The following BPTF variants were observed in gnomAD, a reference collection of about 807,000 sequenced individuals.
The protein encoded by BPTF is bromodomain PHD finger transcription factor.
Under a neutral mutation model 292.5 loss-of-function variants are expected in BPTF, and 18 were observed. The observed-to-expected ratio is 0.06, with a 90% CI of 0.04 to 0.09. BPTF has a LOEUF of 0.09. Among genes scored for constraint, BPTF ranks in the 10% least tolerant of loss-of-function variants. BPTF has a pLI of 1.00. For missense variants in BPTF, 2,726 were observed against 3,498.7 expected (o/e 0.78, Z 5.57); for synonymous variants, 1,225 against 1,251.9 (o/e 0.98, Z 0.45).
At chr17:67,940,412 A>C in intron 18 of BPTF, 27 bp from the exon 19 acceptor site, 2 of 1,598,008 alleles carry the variant, frequency 1.3e-6, no homozygotes, top group Non-Finnish European at 1.7e-6. Flanking sequence ...GTGTATAAGC[A>C]TTCATAATGT....
chr17:67,927,469 A>G (rs922518672), intron 15 of BPTF, among the ~76,000 whole-genome samples: 7 of 152,258 alleles, frequency 4.6e-5, no homozygotes, highest in Admixed American at 2.6e-4. Context: ...ATTTGAATGT[A>G]TAATAGAAGA....
chr17:67,882,464 C>G (rs2060485013), intron 4 of BPTF, among the ~76,000 whole-genome samples: 1 of 152,222 alleles, frequency 6.6e-6, no homozygotes, highest in South Asian at 2.1e-4. Context: ...CTGAAAGCCT[C>G]AGTTCCAGCA....
chr17:67,825,804 C>T lies in BPTF; in HGVS notation c.80C>T (p.Pro27Leu). Reference protein sequence around the residue: ...AERCAPAPPPPPPPPTSGPIG... With the variant: ...AERCAPAPPPLPPPPTSGPIG... Reference sequence around the variant, plus strand: ...CGCTGCGCCCCGGCCCCGCCGCCACCGCCGCCGCCGCCCACGTCCGGACCC... The same window carrying T: ...CGCTGCGCCCCGGCCCCGCCGCCACTGCCGCCGCCGCCCACGTCCGGACCC... Residue 27 changes from proline to leucine, a missense_variant, in exon 1 of 28, where the codon CCG becomes CTG. Pro to Leu is a moderately conservative substitution (Grantham distance 98, BLOSUM62 -3). This residue lies in a region of BPTF where 31 missense variants were observed against 53.6 expected (regional missense o/e 0.58). Transcript: ENST00000306378. 2 of 1,023,636 alleles carry T rather than the reference C, an allele frequency of 2.0e-6. No individual in the cohort carries two copies. The highest frequency in any genetic ancestry group is 2.3e-6 in the Non-Finnish European group (2 of 856,504). 63.4% of individuals were successfully genotyped at this position (1,023,636 alleles called of 1,614,324 possible).
In BPTF at chr17:67,874,945, T is replaced by A; in HGVS notation, c.1789T>A (p.Phe597Ile). The change falls in exon 4 of 28, where the codon TTT (phenylalanine) becomes ATT (isoleucine). Residue 597 changes from phenylalanine (F) to isoleucine (I), a missense_variant. Phe to Ile is a conservative substitution (Grantham distance 21). Coordinates refer to ENST00000306378, the MANE Select transcript of BPTF (RefSeq NM_182641.4). ...SKDAEKNREE[F>I]EDQSLEKDSD... ...AGATGCTGAGAAAAACAGAGAAGAA[T>A]TTGAAGACCAGTCCCTTGAAAAAGA... is the stretch of plus-strand genomic sequence containing the variant. 2 of 1,613,688 alleles carry A rather than the reference T, an allele frequency of 1.2e-6. No individual in the cohort carries two copies. The highest frequency in any genetic ancestry group is 1.7e-6 in the Non-Finnish European group (2 of 1,179,868).
intron 7 of BPTF, among the ~76,000 whole-genome samples, chr17:67,896,108 A>G (rs58069778): frequency 0.093 from 14,121 of 151,878 alleles, 1,906 homozygotes; most frequent in African/African-American, 0.3. Context: ...GACTATAGGC[A>G]CCCACCACTA....
intron 23 of BPTF, among the ~76,000 whole-genome samples, chr17:67,949,518 T>G (rs1176569752): frequency 1.3e-5 from 2 of 151,458 alleles, no homozygotes; most frequent in African/African-American, 4.9e-5. Flanking sequence ...GAGGTTGCAG[T>G]GAGCTGAGAT....
intron 24 of BPTF, chr17:67,963,262 G>A: frequency 7.1e-7 from 1 of 1,408,668 alleles, no homozygotes; most frequent in East Asian, 2.6e-5. Flanking sequence ...TCAAGGCAGG[G>A]AAGACAGATT....
chr17:67,981,942 A>G (rs2070432287), intron 27 of BPTF, among the ~76,000 whole-genome samples: 1 of 144,826 alleles, frequency 6.9e-6, no homozygotes, highest in East Asian at 2.0e-4. Context: ...AAATGCCTCT[A>G]TTTGTCCAGT....
chr17:67,974,586 T>C (rs1555692852), intron 26 of BPTF: 1 of 152,262 alleles, frequency 6.6e-6, no homozygotes, highest in Non-Finnish European at 1.5e-5. Flanking sequence ...ACCATCTGGC[T>C]ATAAATCAGG....
intron 11 of BPTF, among the ~76,000 whole-genome samples, chr17:67,917,131 C>CCTTTTTTTTTTTT (rs2063065953): frequency 2.7e-4 from 29 of 105,786 alleles, no homozygotes; most frequent in African/African-American, 1.0e-3. Context: ...TGGTATTGTC[C>CCTTTTTTTTTTTT]TTTTTTTTTT....
rs191778903 is a variant in BPTF, at chr17:67,949,726, A to G, written c.7926+1420A>G. Among the ~76,000 whole-genome samples the G allele has an allele frequency of 9.9e-5, 15 of 152,066 alleles. No individual in the cohort carries two copies. The East Asian group carries it at 2.7e-3, about 27-fold the overall frequency. ...ACACATGTATATATATAATTTACAC[A>G]TAATTACACAGCTTTTTTAAAGAGA... On this transcript the variant is annotated intron_variant, in intron 23 of 27. Coordinates refer to ENST00000306378, the MANE Select transcript of BPTF (RefSeq NM_182641.4).
intron 7 of BPTF, among the ~76,000 whole-genome samples, chr17:67,894,604 A>G (rs991776044): frequency 1.2e-4 from 18 of 152,210 alleles, no homozygotes; most frequent in Non-Finnish European, 2.1e-4. Context: ...CCGGGATTAC[A>G]GGTGTGAGCC....
intron 7 of BPTF, among the ~76,000 whole-genome samples, chr17:67,895,382 A>C (rs565724002): frequency 6.6e-6 from 1 of 151,624 alleles, no homozygotes; most frequent in Non-Finnish European, 1.5e-5. Context: ...TTTTTGAGAA[A>C]AGTACATTTA....
At chr17:67,830,964 G>C (rs2056615417) in intron 1 of BPTF, among the ~76,000 whole-genome samples, 1 of 152,162 alleles carries the variant, frequency 6.6e-6, no homozygotes, top group Non-Finnish European at 1.5e-5. Context: ...TGAACCACTG[G>C]TGTAGCTGTT....
chr17:67,826,031 G>T lies in BPTF; in HGVS notation c.307G>T (p.Gly103Trp). 1 of 1,196,982 alleles carries T rather than the reference G, an allele frequency of 8.4e-7. No individual in the cohort carries two copies. Among genetic ancestry groups the T allele is most frequent in the Non-Finnish European group, 1.1e-6 (1 of 949,226 alleles). 74.1% of individuals were successfully genotyped at this position (1,196,982 alleles called of 1,614,324 possible). ...GCGAGGAGGCGGGGGCGGCAGGACG[G>T]GGGGCGGGGGCGGCGGCGGCCACCT... Reference protein sequence around the residue: ...GGRGGGGGRTGGGGGGGHLAR... With the variant: ...GGRGGGGGRTWGGGGGGHLAR... The change falls in exon 1 of 28, where the codon GGG (glycine) becomes TGG (tryptophan). Residue 103 changes from glycine (G) to tryptophan (W), a missense_variant. By Grantham distance (184) the Gly-to-Trp change is radical. This residue lies in a region of BPTF where 103 missense variants were observed against 72.1 expected (regional missense o/e 1.43). Coordinates refer to ENST00000306378, the MANE Select transcript of BPTF (RefSeq NM_182641.4).
chr17:67,932,183 CATTTT>C (rs2064456331), intron 18 of BPTF, among the ~76,000 whole-genome samples, 164 bp downstream of exon 18: 1 of 152,212 alleles, frequency 6.6e-6, no homozygotes, highest in African/African-American at 2.4e-5. Context: ...GATATTATTT[CATTTT>C]GACATTGACA....
rs1342175428 is a variant in BPTF, at chr17:67,945,568, C to T, written c.6860C>T (p.Ser2287Phe). Residue 2287 changes from serine to phenylalanine, a missense_variant, in exon 21 of 28, where the codon TCC (serine) becomes TTC (phenylalanine). Physicochemically the swap from Ser to Phe is radical, Grantham distance 155 (BLOSUM62 -2). This residue lies in a region of BPTF where 570 missense variants were observed against 633.5 expected (regional missense o/e 0.90). Coordinates refer to ENST00000306378, the MANE Select transcript of BPTF (RefSeq NM_182641.4). ...CCCCAGCCCCAAACCCAGCCCCAGT[C>T]CCCAGCTCAGCCTGAAGTTCAGACT... ...AQPQPQTQPQ[S>F]PAQPEVQTQP... 2 of 1,610,858 alleles carry T rather than the reference C, an allele frequency of 1.2e-6. No homozygotes were observed. Among genetic ancestry groups the T allele is most frequent in the African/African-American group, 1.3e-5 (1 of 74,816 alleles).
intron 27 of BPTF, among the ~76,000 whole-genome samples, chr17:67,980,887 A>G (rs545681586): frequency 2.0e-5 from 3 of 152,344 alleles, no homozygotes; most frequent in South Asian, 2.1e-4. Flanking sequence ...GCTGTGTGCA[A>G]TGGTGCATGC....
At chr17:67,978,515 T>C (rs1555695245) in intron 27 of BPTF, among the ~76,000 whole-genome samples, 1 of 151,586 alleles carries the variant, frequency 6.6e-6, no homozygotes, top group Non-Finnish European at 1.5e-5. Flanking sequence ...ACCAAGCCGG[T>C]CTCAAACTGC....
Sources: allele counts gnomAD v4.1 joint callset (sites outside exome capture counted in the v4.1 genomes callset), GRCh38; gene constraint gnomAD v4.1.1; regional missense constraint gnomAD v4.1.1; transcripts MANE v1.5; gene names NCBI Gene and HGNC (gene_info 2026-07-23, HGNC 2026-07-21).